The following GSTCD variants were observed in gnomAD, a reference collection of about 807,000 sequenced individuals.
GSTCD encodes the protein glutathione S-transferase C-terminal domain-containing protein.
In GSTCD, 44 loss-of-function variants were observed where a neutral mutation model predicts 68.3. The observed-to-expected ratio is 0.64, with a 90% confidence interval of 0.51 to 0.83. The LOEUF is 0.83. Ranked by LOEUF, GSTCD falls within the 40% of genes least tolerant of loss-of-function variation. The probability of loss-of-function intolerance (pLI) is 0.00; values close to 1 mark genes in which losing one functional copy is unlikely to be tolerated. For missense variants in GSTCD, 739 were observed against 735.9 expected, an observed-to-expected ratio of 1.00 and a Z score of -0.05; for synonymous variants, 273 against 255.2, an observed-to-expected ratio of 1.07 and a Z score of -0.67.
chr4:105,836,304 AG>A (rs1724115925), intron 9 of GSTCD, among the ~76,000 whole-genome samples: 1 of 152,160 alleles, frequency 6.6e-6, no homozygotes. Context: ...TCCAGAGGGA[AG>A]GAAGTGCATG....
chr4:105,746,125 C>G (rs546511000), intron 5 of GSTCD: 1 of 152,234 alleles, frequency 6.6e-6, no homozygotes, highest in African/African-American at 2.4e-5. Context: ...TCCCCAAAAA[C>G]TTAATAGCCT....
At chr4:105,730,939 G>A (rs1372936039) in intron 5 of GSTCD, among the ~76,000 whole-genome samples, 1 of 152,058 alleles carries the variant, frequency 6.6e-6, no homozygotes, top group African/African-American at 2.4e-5. Flanking sequence ...GGAAGGGATC[G>A]AGTTTCAGCT....
At chr4:105,752,225 A>G (rs1356040421) in intron 5 of GSTCD, among the ~76,000 whole-genome samples, 1 of 152,150 alleles carries the variant, frequency 6.6e-6, no homozygotes, top group Non-Finnish European at 1.5e-5. Flanking sequence ...AAACTGTACT[A>G]ACTGTAGCAT....
At chr4:105,722,419 T>C (rs1363124337) in intron 3 of GSTCD, among the ~76,000 whole-genome samples, 1 of 152,058 alleles carries the variant, frequency 6.6e-6, no homozygotes, top group Non-Finnish European at 1.5e-5. Context: ...ACTCACTAGT[T>C]CTAATTTATA....
At chr4:105,740,102 A>G (rs1046476106) in intron 5 of GSTCD, among the ~76,000 whole-genome samples, 6 of 152,060 alleles carry the variant, frequency 3.9e-5, no homozygotes, top group African/African-American at 1.4e-4. Flanking sequence ...CCTCCAAGCA[A>G]CACTCCAACA....
chr4:105,770,092 A>G (rs901438163), intron 5 of GSTCD, among the ~76,000 whole-genome samples: 7 of 152,178 alleles, frequency 4.6e-5, no homozygotes, highest in Admixed American at 2.6e-4. Context: ...CACATCATCT[A>G]TATCCTAACA....
intron 9 of GSTCD, among the ~76,000 whole-genome samples, chr4:105,836,514 A>G (rs1724127202): frequency 6.6e-6 from 1 of 152,094 alleles, no homozygotes; most frequent in Admixed American, 6.5e-5. Flanking sequence ...CATGGTGCCC[A>G]TGGCACCCAG....
chr4:105,823,328 C>A, intron 7 of GSTCD, 53 bp downstream of exon 7: 1 of 1,572,626 alleles, frequency 6.4e-7, no homozygotes, highest in South Asian at 1.1e-5. Flanking sequence ...TACAGTTCAG[C>A]TAGCCAAATT....
intron 3 of GSTCD, among the ~76,000 whole-genome samples, chr4:105,724,708 T>A (rs1732974610): frequency 1.3e-5 from 2 of 151,972 alleles, no homozygotes; most frequent in Admixed American, 1.3e-4. Flanking sequence ...ACAAAATTTC[T>A]ATGAGACCCC....
chr4:105,740,313 A>T (rs1363751962), intron 5 of GSTCD, among the ~76,000 whole-genome samples: 1 of 151,854 alleles, frequency 6.6e-6, no homozygotes, highest in African/African-American at 2.4e-5. Flanking sequence ...TGAGGACTAT[A>T]GTTTTGCTTG....
chr4:105,745,840 G>C (rs1578430594), intron 5 of GSTCD, among the ~76,000 whole-genome samples: 1 of 152,182 alleles, frequency 6.6e-6, no homozygotes, highest in African/African-American at 2.4e-5. Flanking sequence ...CTTAGGTGTT[G>C]TTCCAGTTAT....
intron 5 of GSTCD, among the ~76,000 whole-genome samples, chr4:105,799,599 TATTG>T (rs1358590965): frequency 6.6e-6 from 1 of 152,094 alleles, no homozygotes; most frequent in African/African-American, 2.4e-5. Flanking sequence ...ACACAACATT[TATTG>T]ATTAAGTTTG....
At chr4:105,780,743 T>C (rs777696165) in intron 5 of GSTCD, among the ~76,000 whole-genome samples, 1 of 152,200 alleles carries the variant, frequency 6.6e-6, no homozygotes, top group Non-Finnish European at 1.5e-5. Context: ...ATTTATGAAA[T>C]TGCTTGAATA....
chr4:105,760,177 A>T lies in GSTCD; in HGVS notation c.1240+30678A>T, dbSNP rs938729826. 7.6e-4 allele frequency among the ~76,000 whole-genome samples: 116 copies of T among 152,022 alleles called. 1 individual carries two copies. The highest frequency in any genetic ancestry group is 2.7e-3 in the African/African-American group (110 of 41,450). ...GAAAAAAAAAATAGGCAAAAAAAAA[A>T]AAAAAAAAAGAGAGAATTCAAGTAT... On this transcript the variant is annotated intron_variant, in intron 5 of 11. Transcript: ENST00000515279.
At chr4:105,793,073 C>T (rs894765115) in intron 5 of GSTCD, among the ~76,000 whole-genome samples, 1 of 151,952 alleles carries the variant, frequency 6.6e-6, no homozygotes, top group Admixed American at 6.6e-5. Context: ...TTATAAAAGT[C>T]TCATATAAAA....
intron 9 of GSTCD, among the ~76,000 whole-genome samples, chr4:105,835,681 A>T (rs1724084007): frequency 2.0e-5 from 3 of 151,862 alleles, no homozygotes. Flanking sequence ...GAGTGGGTGT[A>T]TTTGGGGGCA....
chr4:105,743,727 T>C (rs1056323863), intron 5 of GSTCD, among the ~76,000 whole-genome samples: 6 of 148,802 alleles, frequency 4.0e-5, no homozygotes, highest in Admixed American at 1.4e-4. Flanking sequence ...GGCACGATCT[T>C]GGCTTACTGC....
chr4:105,822,763 C>T (rs555202843), intron 5 of GSTCD, among the ~76,000 whole-genome samples, 191 bp from the exon 6 acceptor site: 137 of 152,150 alleles, frequency 9.0e-4, no homozygotes, highest in Admixed American at 3.1e-3. Context: ...AAGTTCATCT[C>T]GGGTTCTAGT....
intron 5 of GSTCD, among the ~76,000 whole-genome samples, chr4:105,772,616 A>G (rs1035220088): frequency 6.6e-6 from 1 of 152,104 alleles, no homozygotes; most frequent in African/African-American, 2.4e-5. Context: ...TGAGATAATC[A>G]TGTGGTTTTT....
Sources: gnomAD v4.1 joint callset for allele counts (sites outside exome capture counted in the v4.1 genomes callset) on GRCh38, gnomAD v4.1.1 for gene constraint, MANE v1.5 for transcripts, NCBI Gene and HGNC (gene_info 2026-07-23, HGNC 2026-07-21) for gene names.